GUCY2D: variants seen among roughly 807,000 people sequenced by gnomAD.
The protein encoded by GUCY2D is guanylate cyclase 2D, retinal.
A neutral mutation model predicts 101.3 loss-of-function variants in GUCY2D; 70 were observed. The observed-to-expected ratio is 0.69, with a 90% CI of 0.57 to 0.84. The LOEUF is 0.84. GUCY2D is among the 40% of genes least tolerant of loss of function. The pLI is 0.00. For missense variants in GUCY2D, 1,460 were observed against 1,542.5 expected (o/e 0.95, Z 0.90); for synonymous variants, 688 against 670.7 (o/e 1.03, Z -0.40).
chr17:8,007,827 C>T (rs1372503395), intron 6 of GUCY2D, 104 bp from the exon 7 acceptor site: 2 of 745,280 alleles, frequency 2.7e-6, no homozygotes, highest in African/African-American at 1.7e-5. Context: ...CATTGAGATT[C>T]CTTCGCCTCC....
At chr17:8,007,298 G>A (rs1449311115) in intron 5 of GUCY2D, 128 bp from the exon 6 acceptor site, 8 of 892,504 alleles carry the variant, frequency 9.0e-6, no homozygotes, top group Non-Finnish European at 1.5e-5. Flanking sequence ...CAGGGGATGT[G>A]TGCTTTGGGG....
At position 8,003,387 on chromosome 17, in the gene GUCY2D, G is replaced by A. The variant is rs1240857882; in HGVS notation, c.340G>A (p.Val114Met). 4.8e-6 allele frequency: 7 copies of A among 1,473,458 alleles called. No homozygotes were observed. The East Asian group carries it at 1.5e-4, about 31-fold the overall frequency. 91.3% of individuals were successfully genotyped at this position (1,473,458 alleles called of 1,614,324 possible). The change falls in exon 2 of 20, where the codon GTG becomes ATG. Residue 114 changes from valine to methionine, a missense_variant. Transcript: ENST00000254854. ...PCRTPGSLGA[V>M]SSALARVSGL... ...CCGGACGCCGGGCTCGCTGGGGGCC[G>A]TGTCCTCCGCGCTGGCCCGCGTGTC...
At chr17:8,007,794 G>C in intron 6 of GUCY2D, 137 bp from the exon 7 acceptor site, 1 of 713,952 alleles carries the variant, frequency 1.4e-6, no homozygotes, top group Non-Finnish European at 2.6e-6. Context: ...CACTTGGGGA[G>C]TAATGTCATT....
chr17:8,006,623 C>T lies in GUCY2D; in HGVS notation c.1287C>T (p.Ser429=), dbSNP rs532466020. ...ATCCTGCCCGGGGCTCCTTCCTCTC[C>T]GCCGGTACCCGGATGCACTTCCCGC... ...MLDPARGSFL[S]AGTRMHFPRG... Residue 429 remains serine (S), a synonymous_variant, in exon 4 of 20, where the codon TCC becomes TCT. Coordinates refer to ENST00000254854, the MANE Select transcript of GUCY2D (RefSeq NM_000180.4). The T allele has an allele frequency of 6.2e-6, 10 of 1,612,802 alleles. No homozygotes were observed. Among genetic ancestry groups the T allele is most frequent in the African/African-American group, 1.3e-5 (1 of 75,044 alleles).
intron 3 of GUCY2D, 130 bp downstream of exon 3, chr17:8,004,286 T>C (rs1975699633): frequency 1.6e-5 from 14 of 857,078 alleles, no homozygotes; most frequent in East Asian, 2.7e-5. Flanking sequence ...TCCTGGGTAA[T>C]GTAGAGGCTC....
chr17:8,013,081 T>C lies in GUCY2D; in HGVS notation c.2114-22T>C. ...GTGGGAGTCTTTCCCCAGCGGCGCC[T>C]CAGCCCCTTCCCCATCCCCAGACCA... On this transcript the variant is annotated intron_variant, in intron 10 of 19. Transcript: ENST00000254854. The surrounding 1 kb of genome is among the most constrained non-coding windows in gnomAD (Gnocchi z 5.0). 6.2e-7 allele frequency: 1 copy of C among 1,607,528 alleles called. No individual in the cohort carries two copies. The highest frequency in any genetic ancestry group is 8.5e-7 in the Non-Finnish European group (1 of 1,177,532).
At chr17:8,006,990 C>T (rs1261747199) in intron 4 of GUCY2D, 70 bp from the exon 5 acceptor site, 4 of 1,267,224 alleles carry the variant, frequency 3.2e-6, no homozygotes, top group East Asian at 2.3e-5. Flanking sequence ...CAGCATGTGG[C>T]ATGCCTCCCT....
Position 8,014,266 on chromosome 17 carries a change from A to G in GUCY2D, c.2412+238A>G. 1 of 609,350 alleles carries G rather than the reference A, an allele frequency of 1.6e-6. No individual in the cohort carries two copies. Among genetic ancestry groups the G allele is most frequent in the South Asian group, 1.9e-5 (1 of 51,818 alleles). 37.7% of individuals were successfully genotyped at this position (609,350 alleles called of 1,614,324 possible). On this transcript the variant is annotated intron_variant, in intron 12 of 19. Coordinates refer to ENST00000254854, the MANE Select transcript of GUCY2D (RefSeq NM_000180.4). The surrounding 1 kb of genome is among the most constrained non-coding windows in gnomAD (Gnocchi z 4.0). ...TGGGAGGAATATTCAATTCAATTCA[A>G]ATAACACTGATTGAGAACCAAGTAT...
At position 8,013,168 on chromosome 17, in the gene GUCY2D, G is replaced by A. The variant is rs146820642; in HGVS notation, c.2179G>A (p.Gly727Ser). 4.9e-4 allele frequency: 791 copies of A among 1,613,966 alleles called. 1 individual carries two copies. Among genetic ancestry groups the A allele is most frequent in the Non-Finnish European group, 6.2e-4 (730 of 1,179,954 alleles). Residue 727 changes from glycine to serine, a missense_variant, in exon 11 of 20, where the codon GGC becomes AGC. Coordinates refer to ENST00000254854, the MANE Select transcript of GUCY2D (RefSeq NM_000180.4). The surrounding 1 kb of genome is among the most constrained non-coding windows in gnomAD (Gnocchi z 5.0). ...CCTGGAGCGCCGGGGAACGCTGGCC[G>A]GCGACGTCTTTAGCTTGGCCATCAT... ...PALERRGTLA[G>S]DVFSLAIIMQ...
At chr17:8,020,045 C>T (rs548079477) in intron 19 of GUCY2D, 83 bp from the exon 20 acceptor site, 1 of 152,078 alleles carries the variant, frequency 6.6e-6, no homozygotes, top group African/African-American at 2.4e-5. Context: ...TGCTTCAATC[C>T]CACGGCAGAG....
At chr17:8,019,423 A>G (rs1976032909) in intron 19 of GUCY2D, among the ~76,000 whole-genome samples, 1 of 152,228 alleles carries the variant, frequency 6.6e-6, no homozygotes. Context: ...AGTTTAAGGT[A>G]GAAGTGGAGT....
intron 3 of GUCY2D, among the ~76,000 whole-genome samples, chr17:8,005,763 A>G (rs1041218800): frequency 3.9e-5 from 6 of 152,222 alleles, no homozygotes; most frequent in Non-Finnish European, 4.4e-5. Flanking sequence ...TGTCTTGTAC[A>G]CTGATACATC....
chr17:8,003,389 G>A lies in GUCY2D; in HGVS notation c.342G>A (p.Val114=). The A allele has an allele frequency of 6.8e-7, 1 of 1,475,440 alleles. No individual in the cohort carries two copies. The highest frequency in any genetic ancestry group is 2.9e-5 in the East Asian group (1 of 34,400). 91.4% of individuals were successfully genotyped at this position (1,475,440 alleles called of 1,614,324 possible). ...GGACGCCGGGCTCGCTGGGGGCCGT[G>A]TCCTCCGCGCTGGCCCGCGTGTCGG... ...PCRTPGSLGA[V]SSALARVSGL... The change falls in exon 2 of 20, where the codon GTG becomes GTA. Residue 114 remains valine, a synonymous_variant. Coordinates refer to ENST00000254854, the MANE Select transcript of GUCY2D (RefSeq NM_000180.4).
chr17:8,003,306 G>A lies in GUCY2D; in HGVS notation c.259G>A (p.Asp87Asn), dbSNP rs1167809648. 21 of 1,485,576 alleles carry A rather than the reference G, an allele frequency of 1.4e-5. No individual in the cohort carries two copies. The highest frequency in any genetic ancestry group is 1.8e-5 in the Non-Finnish European group (20 of 1,124,578). The allele number at this position is 1,485,576 out of a possible 1,614,324, so 92.0% of individuals were successfully genotyped here. Residue 87 changes from aspartate to asparagine, a missense_variant, in exon 2 of 20, where the codon GAC becomes AAC. This residue lies in a region of GUCY2D where 1,196 missense variants were observed against 1,229.6 expected (regional missense o/e 0.97). Transcript: ENST00000254854. ...CCTGGCCGCCGCCCGCCTGAACCGC[G>A]ACCCCGGCCTGGCAGGCGGTCCCCG... ...ARLAAARLNRDPGLAGGPRFE... is the reference protein window; with the variant it reads ...ARLAAARLNRNPGLAGGPRFE...
rs200886585 is a variant in GUCY2D, at chr17:8,014,806, A to C, written c.2576+42A>C. 22 of 1,606,552 alleles carry C rather than the reference A, an allele frequency of 1.4e-5. No homozygotes were observed. The highest frequency in any genetic ancestry group is 3.4e-4 in the Middle Eastern group (2 of 5,874). ...AGGGGTGGGCTGGGAGGGCAGCTGG[A>C]GCCCAGCCAGGTAGAGTGGCCCCCA... On this transcript the variant is annotated intron_variant, in intron 13 of 19. Transcript: ENST00000254854. The surrounding 1 kb of genome is among the most constrained non-coding windows in gnomAD (Gnocchi z 4.0).
rs563093147 is a variant in GUCY2D at position 8,009,445 on chromosome 17, G to A, written c.1669-61G>A. ...ATGGAAATGAGGGGGAGGGGTTCTA[G>A]GGCTCCCCATCGTGGGATTTTAAGA... On this transcript the variant is annotated intron_variant, in intron 7 of 19. Coordinates refer to ENST00000254854, the MANE Select transcript of GUCY2D (RefSeq NM_000180.4). 3.3e-5 allele frequency: 34 copies of A among 1,038,362 alleles called. No homozygotes were observed. The East Asian group carries it at 7.3e-4, about 22-fold the overall frequency. The allele number at this position is 1,038,362 out of a possible 1,614,324, so 64.3% of individuals were successfully genotyped here. A position where few individuals can be genotyped will look rare whatever the true frequency, so the allele number is the denominator to read the frequency against.
In GUCY2D at chr17:8,013,563, T is replaced by A. The variant is rs1294324857; in HGVS notation, c.2263+311T>A. 5.2e-6 allele frequency: 3 copies of A among 572,992 alleles called. No individual in the cohort carries two copies. In the African/African-American group the frequency reaches 5.6e-5, roughly 11 times the overall value. The allele number at this position is 572,992 out of a possible 1,614,324, so 35.5% of individuals were successfully genotyped here. On this transcript the variant is annotated intron_variant, in intron 11 of 19. Coordinates refer to ENST00000254854, the MANE Select transcript of GUCY2D (RefSeq NM_000180.4). The surrounding 1 kb of genome is among the most constrained non-coding windows in gnomAD (Gnocchi z 5.0). Reference sequence around the variant, plus strand: ...CCTGGGAGGAGCAGGGGAGGGGGAGTGGGTGCATCCCTTCTGCACAGGACT... The same window carrying A: ...CCTGGGAGGAGCAGGGGAGGGGGAGAGGGTGCATCCCTTCTGCACAGGACT...
chr17:8,004,401 C>T (rs988454480), intron 3 of GUCY2D, among the ~76,000 whole-genome samples: 26 of 152,202 alleles, frequency 1.7e-4, no homozygotes, highest in Non-Finnish European at 3.1e-4. Context: ...GAACTGTAAA[C>T]TGCAAAACCT....
chr17:8,003,248 C>T lies in GUCY2D; in HGVS notation c.201C>T (p.Ile67=). ...TGGGCCCCTGGGCTTGCGACCCCAT[C>T]TTCTCTCGGGCTCGCCCGGACCTGG... ...GVLGPWACDP[I]FSRARPDLAA... The change falls in exon 2 of 20, where the codon ATC becomes ATT. Residue 67 remains isoleucine, a synonymous_variant. Coordinates refer to ENST00000254854, the MANE Select transcript of GUCY2D (RefSeq NM_000180.4). 1.3e-6 allele frequency: 2 copies of T among 1,515,454 alleles called. No homozygotes were observed. The highest frequency in any genetic ancestry group is 2.1e-5 in the Admixed American group (1 of 48,522). The allele number at this position is 1,515,454 out of a possible 1,614,324, so 93.9% of individuals were successfully genotyped here. A position where few individuals can be genotyped will look rare whatever the true frequency, so the allele number is the denominator to read the frequency against.
Sources: gnomAD v4.1 joint callset for allele counts (sites outside exome capture counted in the v4.1 genomes callset) on GRCh38, gnomAD v4.1.1 for gene constraint, gnomAD v4.1.1 regional missense constraint, Gnocchi (gnomAD v3.1) non-coding constraint, MANE v1.5 for transcripts, NCBI Gene and HGNC (gene_info 2026-07-23, HGNC 2026-07-21) for gene names.